Variants in EPB41L4B observed in about 807,000 individuals in gnomAD.
The protein encoded by EPB41L4B is erythrocyte membrane protein band 4.1 like 4B.
Under a neutral mutation model 112.5 loss-of-function variants are expected in EPB41L4B, and 30 were observed. The ratio of observed to expected loss-of-function variants is 0.27; its 90% CI spans 0.20 to 0.36. EPB41L4B has a LOEUF of 0.36. EPB41L4B is among the 10% of genes least tolerant of loss of function. The pLI is 1.00. For synonymous variants in EPB41L4B, 408 were observed against 439.7 expected (o/e 0.93, Z 0.90); for missense variants, 1,024 against 1,133.3 (o/e 0.90, Z 1.38).
intron 22 of EPB41L4B, 130 bp downstream of exon 22, chr9:109,192,148 G>C (rs1224495370): frequency 1.3e-6 from 1 of 741,958 alleles, no homozygotes; most frequent in Non-Finnish European, 2.3e-6. Context: ...GATGAAAGCT[G>C]ATCCCTGAGC....
chr9:109,311,879 A>C (rs1837426087), intron 1 of EPB41L4B, among the ~76,000 whole-genome samples: 1 of 152,166 alleles, frequency 6.6e-6, no homozygotes, highest in African/African-American at 2.4e-5. Context: ...GACCATCTGC[A>C]AAGGGGATGA....
chr9:109,296,971 A>G (rs764065720), intron 1 of EPB41L4B, among the ~76,000 whole-genome samples: 1 of 152,008 alleles, frequency 6.6e-6, no homozygotes, highest in East Asian at 1.9e-4. Flanking sequence ...CCCCAAATTA[A>G]TATGTTAAAG....
At chr9:109,183,331 G>A (rs934882743) in intron 23 of EPB41L4B, among the ~76,000 whole-genome samples, 1 of 152,154 alleles carries the variant, frequency 6.6e-6, no homozygotes, top group African/African-American at 2.4e-5. Flanking sequence ...CTCCCTGTAC[G>A]CTTTGGCCAG....
intron 14 of EPB41L4B, among the ~76,000 whole-genome samples, chr9:109,247,249 A>T (rs1160226032): frequency 6.6e-6 from 1 of 151,932 alleles, no homozygotes; most frequent in Admixed American, 6.6e-5. Context: ...CAATACATTT[A>T]AAAAAATAAA....
intron 21 of EPB41L4B, among the ~76,000 whole-genome samples, chr9:109,192,675 G>A (rs1832502439): frequency 6.6e-6 from 1 of 152,108 alleles, no homozygotes; most frequent in African/African-American, 2.4e-5. Flanking sequence ...TGTATAAAGA[G>A]AGAGCAAAGA....
At chr9:109,256,021 T>C (rs1427008490) in intron 9 of EPB41L4B, 115 bp downstream of exon 9, 5 of 1,153,580 alleles carry the variant, frequency 4.3e-6, no homozygotes, top group Non-Finnish European at 6.3e-6. Context: ...AGCAGCACCG[T>C]GTGCTCTGAG....
intron 15 of EPB41L4B, among the ~76,000 whole-genome samples, chr9:109,228,662 A>G (rs1833861396): frequency 6.6e-6 from 1 of 152,228 alleles, no homozygotes; most frequent in Non-Finnish European, 1.5e-5. Flanking sequence ...AAAGTCAGGT[A>G]GCTCTGTTTC....
rs1232711245 is a variant in EPB41L4B, at chr9:109,288,004, T to TA, written c.307-8084dup. Among the ~76,000 whole-genome samples, 3 of 152,198 alleles carry TA rather than the reference T, an allele frequency of 2.0e-5. No homozygotes were observed. The South Asian group carries it at 6.2e-4, about 31-fold the overall frequency. On this transcript the variant is annotated intron_variant, in intron 1 of 25. Transcript: ENST00000374566. ...TACCTGGACTACAGCAACAGGCCCC[T>TA]AAGTGGTCCCATGCTACAGTTTGAA...
At chr9:109,318,750 AC>A (rs1837729406) in intron 1 of EPB41L4B, among the ~76,000 whole-genome samples, 1 of 152,178 alleles carries the variant, frequency 6.6e-6, no homozygotes, top group Non-Finnish European at 1.5e-5. Context: ...AGCTCTAAGC[AC>A]CCGAATGTTG....
At chr9:109,286,316 A>G (rs981895508) in intron 1 of EPB41L4B, among the ~76,000 whole-genome samples, 1 of 152,092 alleles carries the variant, frequency 6.6e-6, no homozygotes, top group African/African-American at 2.4e-5. Context: ...GTTCTGGATG[A>G]GCCATGCTAC....
chr9:109,203,537 G>C, intron 19 of EPB41L4B, 126 bp downstream of exon 19: 1 of 743,184 alleles, frequency 1.3e-6, no homozygotes, highest in South Asian at 2.1e-5. Flanking sequence ...CATCTCTTTG[G>C]GCTCCTATTC....
At chr9:109,269,993 C>T (rs1835553057) in intron 2 of EPB41L4B, among the ~76,000 whole-genome samples, 1 of 152,148 alleles carries the variant, frequency 6.6e-6, no homozygotes, top group South Asian at 2.1e-4. Flanking sequence ...GGTTGTGGGG[C>T]TTTTGTCATC....
At chr9:109,192,190 G>C in intron 22 of EPB41L4B, 88 bp downstream of exon 22, 1 of 1,044,954 alleles carries the variant, frequency 9.6e-7, no homozygotes, top group Non-Finnish European at 1.4e-6. Context: ...CTCCTCAACA[G>C]CAATGCCCAC....
intron 7 of EPB41L4B, among the ~76,000 whole-genome samples, 196 bp downstream of exon 7, chr9:109,257,981 G>T (rs1835047987): frequency 6.6e-6 from 1 of 152,160 alleles, no homozygotes; most frequent in Admixed American, 6.5e-5. Flanking sequence ...GGGCAACAGA[G>T]CGAGACTCTC....
intron 1 of EPB41L4B, among the ~76,000 whole-genome samples, chr9:109,316,322 G>T (rs1391195728): frequency 1.3e-5 from 2 of 152,190 alleles, no homozygotes; most frequent in Non-Finnish European, 2.9e-5. Context: ...CTGGCCGACC[G>T]CACATCCTAA....
At chr9:109,314,609 G>A (rs1419260016) in intron 1 of EPB41L4B, among the ~76,000 whole-genome samples, 1 of 148,416 alleles carries the variant, frequency 6.7e-6, no homozygotes, top group Admixed American at 6.6e-5. Flanking sequence ...CCCCCTTTGG[G>A]AAGGGTGTTC....
At chr9:109,266,744 G>A (rs964580468) in intron 4 of EPB41L4B, among the ~76,000 whole-genome samples, 1 of 152,114 alleles carries the variant, frequency 6.6e-6, no homozygotes, top group Non-Finnish European at 1.5e-5. Flanking sequence ...AAAGCGGGTG[G>A]ATCACTTGAG....
intron 1 of EPB41L4B, among the ~76,000 whole-genome samples, chr9:109,310,370 G>A (rs1837373490): frequency 6.6e-6 from 1 of 152,180 alleles, no homozygotes; most frequent in South Asian, 2.1e-4. Flanking sequence ...GAATGTGACT[G>A]AGACAGAGCA....
chr9:109,235,235 G>C (rs577404758), intron 15 of EPB41L4B, among the ~76,000 whole-genome samples: 2 of 152,042 alleles, frequency 1.3e-5, no homozygotes, highest in Admixed American at 1.3e-4. Flanking sequence ...TTTCTGCTCT[G>C]AGTTTGTTAG....
Sources: allele counts gnomAD v4.1 joint callset (sites outside exome capture counted in the v4.1 genomes callset), GRCh38; gene constraint gnomAD v4.1.1; transcripts MANE v1.5; gene names NCBI Gene and HGNC (gene_info 2026-07-23, HGNC 2026-07-21).